The following NID2 variants were observed in gnomAD, a reference collection of about 807,000 sequenced individuals.
The protein encoded by NID2 is nidogen-2.
NID2 carries 83 observed loss-of-function variants against 145.4 expected under a neutral mutation model. The ratio of observed to expected loss-of-function variants is 0.57; its 90% CI spans 0.48 to 0.69. NID2 has a LOEUF of 0.69. Among genes scored for constraint, NID2 ranks in the 30% least tolerant of loss-of-function variants. The probability of loss-of-function intolerance (pLI) is 0.00; values close to 1 mark genes in which losing one functional copy is unlikely to be tolerated. For synonymous variants in NID2, 739 were observed against 701.3 expected (o/e 1.05, Z -0.85); for missense variants, 1,807 against 1,765.7 (o/e 1.02, Z -0.42).
In NID2 at chr14:52,020,046, C is replaced by G. The variant is rs755419029; in HGVS notation, c.2794+13G>C. 2 of 1,613,494 alleles carry G rather than the reference C, an allele frequency of 1.2e-6. No homozygotes were observed. Among genetic ancestry groups the G allele is most frequent in the East Asian group, 2.2e-5 (1 of 44,870 alleles). On this transcript the variant is annotated intron_variant, in intron 13 of 21. Transcript: ENST00000216286. ...AGAGATTCATGTGCCTAATCTGGCC[C>G]TCTGAAACTTACCAGGTATGCACTG...
chr14:52,030,100 A>G (rs753214903), intron 9 of NID2, among the ~76,000 whole-genome samples: 1 of 152,240 alleles, frequency 6.6e-6, no homozygotes, highest in Non-Finnish European at 1.5e-5. Flanking sequence ...CCAAGCTCAC[A>G]AAGTCAGGAA....
At chr14:52,024,192 C>A (rs1891498567) in intron 12 of NID2, among the ~76,000 whole-genome samples, 1 of 152,150 alleles carries the variant, frequency 6.6e-6, no homozygotes, top group Non-Finnish European at 1.5e-5. Context: ...TCTAAGATGG[C>A]CCCCAACAGT....
intron 9 of NID2, among the ~76,000 whole-genome samples, chr14:52,033,485 G>A (rs1891946761): frequency 6.6e-6 from 1 of 152,206 alleles, no homozygotes; most frequent in African/African-American, 2.4e-5. Context: ...TGCTGGTTGA[G>A]AAGTCACCGA....
rs1294016911 is a variant in NID2, at chr14:52,015,081, G to T, written c.3223C>A (p.Arg1075Ser). The T allele has an allele frequency of 1.2e-6, 2 of 1,613,912 alleles. No individual in the cohort carries two copies. The highest frequency in any genetic ancestry group is 3.3e-5 in the Admixed American group (2 of 60,016). Residue 1075 changes from arginine to serine, a missense_variant, in exon 15 of 22, where the codon CGC becomes AGC. By Grantham distance (110) the Arg-to-Ser change is moderately radical (BLOSUM62 -1). Transcript: ENST00000216286. ...DKDGREVQGT[R>S]SQPGTTPACI... Reference sequence around the variant, plus strand: ...GCAGGGGTGGTGCCTGGCTGGGAGCGGGTGCCCTGCACCTCTCTGCCATCT... The same window carrying T: ...GCAGGGGTGGTGCCTGGCTGGGAGCTGGTGCCCTGCACCTCTCTGCCATCT...
At position 52,054,130 on chromosome 14, in the gene NID2, A is replaced by G. The variant is rs376896789; in HGVS notation, c.959T>C (p.Val320Ala). Reference protein sequence around the residue: ...YNEDNLDYYDVNEEEAEYLPG... With the variant: ...YNEDNLDYYDANEEEAEYLPG... The stretch of plus-strand genomic sequence containing the variant: ...AAGGTATTCAGCTTCCTCCTCATTC[A>G]CATCATAGTAATCCAAATTGTCCTC... Residue 320 changes from valine to alanine, a missense_variant, in exon 4 of 22, where the codon GTG becomes GCG. Val to Ala is a moderately conservative substitution (Grantham distance 64). Transcript: ENST00000216286. The G allele has an allele frequency of 6.2e-7, 1 of 1,614,066 alleles. No homozygotes were observed. Among genetic ancestry groups the G allele is most frequent in the Admixed American group, 1.7e-5 (1 of 60,014 alleles).
intron 12 of NID2, among the ~76,000 whole-genome samples, chr14:52,026,184 A>G (rs1361380290): frequency 6.6e-6 from 1 of 152,236 alleles, no homozygotes; most frequent in African/African-American, 2.4e-5. Flanking sequence ...AAGGGGAAAA[A>G]GGAATGGGAG....
intron 9 of NID2, among the ~76,000 whole-genome samples, chr14:52,031,317 T>A (rs1369893254): frequency 6.6e-6 from 1 of 152,076 alleles, no homozygotes; most frequent in Non-Finnish European, 1.5e-5. Flanking sequence ...CAGAACATAT[T>A]TGAAAGGCAA....
At chr14:52,020,202 AAG>A in intron 12 of NID2, 24 bp from the exon 13 acceptor site, 1 of 1,612,268 alleles carries the variant, frequency 6.2e-7, no homozygotes, top group Non-Finnish European at 8.5e-7. Flanking sequence ...AAACAGAAGA[AAG>A]AAGCAAAGAA....
In NID2 at chr14:52,038,813, C is replaced by CA. The variant is rs1566761343; in HGVS notation, c.2190dup (p.Ala731CysfsTer4). On this transcript the variant is annotated frameshift_variant, in exon 9 of 22. Coordinates refer to ENST00000216286, the MANE Select transcript of NID2 (RefSeq NM_007361.4). LOFTEE classifies it high-confidence loss of function. ...ACTCTTTCTTCGTCATTATACAAGG[C>CA]AAAGACCCGGTCCACGTTCAGCTGC... The CA allele has an allele frequency of 1.9e-6, 3 of 1,613,348 alleles. No individual in the cohort carries two copies. Among genetic ancestry groups the CA allele is most frequent in the Admixed American group, 3.3e-5 (2 of 59,856 alleles).
At chr14:52,018,824 C>T (rs1393605520) in intron 14 of NID2, among the ~76,000 whole-genome samples, 1 of 152,220 alleles carries the variant, frequency 6.6e-6, no homozygotes, top group Non-Finnish European at 1.5e-5. Context: ...TCAGTTTGTA[C>T]TGGACAAGGG....
chr14:52,037,301 A>T (rs894640483), intron 9 of NID2, among the ~76,000 whole-genome samples: 1 of 151,962 alleles, frequency 6.6e-6, no homozygotes, highest in Non-Finnish European at 1.5e-5. Context: ...TCAGAATTCT[A>T]TTATTATTAT....
In NID2 at chr14:52,040,721, C is replaced by T. The variant is rs1892249760; in HGVS notation, c.1956G>A (p.Val652=). The change falls in exon 8 of 22, where the codon GTG becomes GTA. Residue 652 remains valine, a synonymous_variant. Coordinates refer to ENST00000216286, the MANE Select transcript of NID2 (RefSeq NM_007361.4). ...LSIKTNIQGQ[V]PYVSANFTAH... is the part of the protein sequence containing the mutation. Reference sequence around the variant, plus strand: ...CTGTGAAATTTGCTGAGACGTAAGGCACCTGGCCTTGAATGTTGGTCTTAA... The same window carrying T: ...CTGTGAAATTTGCTGAGACGTAAGGTACCTGGCCTTGAATGTTGGTCTTAA... 2.5e-6 allele frequency: 4 copies of T among 1,614,014 alleles called. No individual in the cohort carries two copies. Among genetic ancestry groups the T allele is most frequent in the South Asian group, 1.1e-5 (1 of 91,078 alleles).
chr14:52,019,195 T>A lies in NID2; in HGVS notation c.2894A>T (p.Glu965Val). Residue 965 changes from glutamate to valine, a missense_variant, in exon 14 of 22, where the codon GAG becomes GTG. Glu to Val is a moderately radical substitution (Grantham distance 121). Transcript: ENST00000216286. ...GARFHIPQCD[E>V]QGNFLPLQCH... The stretch of plus-strand genomic sequence containing the variant: ...CTGTAGGGGCAGGAAGTTGCCCTGC[T>A]CGTCGCATTGGGGGATGTGGAACCG... 1 of 1,614,038 alleles carries A rather than the reference T, an allele frequency of 6.2e-7. No individual in the cohort carries two copies. The highest frequency in any genetic ancestry group is 2.2e-5 in the East Asian group (1 of 44,862).
At chr14:52,050,247 C>T (rs193226264) in intron 5 of NID2, among the ~76,000 whole-genome samples, 123 of 152,348 alleles carry the variant, frequency 8.1e-4, no homozygotes, top group African/African-American at 2.9e-3. Flanking sequence ...GAAGCCCTCA[C>T]TGGCAACTCT....
In NID2 at chr14:52,010,600, A is replaced by C. The variant is rs368702297; in HGVS notation, c.3722+276T>G. On this transcript the variant is annotated intron_variant, in intron 18 of 21. Coordinates refer to ENST00000216286, the MANE Select transcript of NID2 (RefSeq NM_007361.4). ...GATTCAGAGTAGCCCTAGTTCTCAC[A>C]ACACTATCTGAATTTTCTACATATC... The C allele has an allele frequency of 6.8e-4, 206 of 303,594 alleles. 4 individuals are homozygous for C. In the South Asian group the frequency reaches 0.011, roughly 16 times the overall value. The allele number at this position is 303,594 out of a possible 1,614,324, so 18.8% of individuals were successfully genotyped here.
chr14:52,064,090 T>A (rs552455590), intron 2 of NID2, among the ~76,000 whole-genome samples: 1 of 152,150 alleles, frequency 6.6e-6, no homozygotes, highest in Admixed American at 6.5e-5. Flanking sequence ...TTCTAAACCT[T>A]GTCTCCAGAA....
chr14:52,039,704 T>C (rs552100000), intron 8 of NID2, among the ~76,000 whole-genome samples: 3 of 152,224 alleles, frequency 2.0e-5, no homozygotes, highest in Non-Finnish European at 4.4e-5. Flanking sequence ...GCAGCTGTGA[T>C]GGAGGCAGCA....
At chr14:52,022,114 A>G (rs2140364783) in intron 12 of NID2, among the ~76,000 whole-genome samples, 1 of 152,334 alleles carries the variant, frequency 6.6e-6, no homozygotes, top group South Asian at 2.1e-4. Context: ...TCTTATTGTT[A>G]CTTTTGAACT....
At chr14:52,030,576 GGGAAAGAAAGAA>G (rs1566755679) in intron 9 of NID2, among the ~76,000 whole-genome samples, 1 of 61,592 alleles carries the variant, frequency 1.6e-5, no homozygotes, top group Non-Finnish European at 3.3e-5. Flanking sequence ...AAGGAAGGAA[GGGAAAGAAAGAA>G]AGAAAGAAAG....
Sources: allele counts gnomAD v4.1 joint callset (sites outside exome capture counted in the v4.1 genomes callset), GRCh38; gene constraint gnomAD v4.1.1; transcripts MANE v1.5; gene names NCBI Gene and HGNC (gene_info 2026-07-23, HGNC 2026-07-21).